The following WASHC2A variants were observed in gnomAD, a reference collection of about 807,000 sequenced individuals.
The protein encoded by WASHC2A is WASH complex subunit FAM21A.
WASHC2A carries 82 observed loss-of-function variants against 140.3 expected under a neutral mutation model. The observed-to-expected ratio is 0.58, with a 90% CI of 0.49 to 0.70. WASHC2A has a LOEUF of 0.70. Among genes scored for constraint, WASHC2A ranks in the 30% least tolerant of loss-of-function variants. WASHC2A has a pLI of 0.00. For missense variants in WASHC2A, 985 were observed against 1,521.8 expected (o/e 0.65, Z 5.87); for synonymous variants, 340 against 560.8 (o/e 0.61, Z 5.56).
Position 50,132,860 on chromosome 10 carries a change from C to T in WASHC2A, c.3941C>T (p.Ser1314Phe). ...AAGACAACCAAACCAAAAAGCCGAT[C>T]TGCACAGGCCGCACCTGAACCAAGA... ...QAKTTKPKSR[S>F]AQAAPEPRFE... Residue 1314 changes from serine (S) to phenylalanine (F), a missense_variant, in exon 31 of 31, where the codon TCT (serine) becomes TTT (phenylalanine). Physicochemically the swap from Ser to Phe is radical, Grantham distance 155. Transcript: ENST00000282633. The T allele has an allele frequency of 6.2e-7, 1 of 1,612,044 alleles. No homozygotes were observed.
intron 21 of WASHC2A, among the ~76,000 whole-genome samples, chr10:50,115,766 C>A (rs1187539600): frequency 4.4e-4 from 65 of 148,520 alleles, no homozygotes; most frequent in African/African-American, 1.5e-3. Flanking sequence ...CAAGATGCAG[C>A]CATTTTAGAC....
chr10:50,109,461 A>G (rs1246523719), intron 19 of WASHC2A, among the ~76,000 whole-genome samples: 1 of 152,038 alleles, frequency 6.6e-6, no homozygotes, highest in Non-Finnish European at 1.5e-5. Flanking sequence ...GTATTTTTAC[A>G]TTTGGCTTCC....
At chr10:50,103,254 G>A (rs567946084) in intron 17 of WASHC2A, among the ~76,000 whole-genome samples, 2 of 150,312 alleles carry the variant, frequency 1.3e-5, no homozygotes, top group East Asian at 1.9e-4. Context: ...AGTTTAATTT[G>A]TATTTACTTA....
At chr10:50,075,234 T>C (rs1483492483) in intron 3 of WASHC2A, among the ~76,000 whole-genome samples, 1 of 151,370 alleles carries the variant, frequency 6.6e-6, no homozygotes, top group African/African-American at 2.4e-5. Flanking sequence ...ATTTCATAAA[T>C]GTTTCATAAA....
intron 13 of WASHC2A, 135 bp from the exon 14 acceptor site, chr10:50,095,013 A>G: frequency 6.5e-7 from 1 of 1,533,466 alleles, no homozygotes; most frequent in Non-Finnish European, 8.8e-7. Flanking sequence ...GAATTTTAAA[A>G]TGACTTGTTC....
intron 16 of WASHC2A, among the ~76,000 whole-genome samples, chr10:50,099,430 C>T (rs1383884490): frequency 7.6e-4 from 115 of 150,542 alleles, no homozygotes; most frequent in African/African-American, 2.6e-3. Context: ...CCACCATGCC[C>T]GGCTAATTTT....
intron 3 of WASHC2A, among the ~76,000 whole-genome samples, chr10:50,072,288 T>C (rs1373314469): frequency 1.5e-3 from 228 of 147,644 alleles, no homozygotes; most frequent in East Asian, 1.8e-3. Flanking sequence ...CCTTCCAGTC[T>C]GCAGCCAGAA....
intron 3 of WASHC2A, among the ~76,000 whole-genome samples, chr10:50,076,160 A>G (rs543580632): frequency 3.3e-5 from 5 of 152,244 alleles, no homozygotes; most frequent in African/African-American, 7.2e-5. Flanking sequence ...TCCTGACCGC[A>G]GGTGATCCCA....
chr10:50,095,016 A>T, intron 13 of WASHC2A, 132 bp from the exon 14 acceptor site: 1 of 1,503,990 alleles, frequency 6.6e-7, no homozygotes. Context: ...TTTTAAAATG[A>T]CTTGTTCAGG....
At chr10:50,100,394 T>C (rs1554886384) in intron 17 of WASHC2A, among the ~76,000 whole-genome samples, 1 of 151,790 alleles carries the variant, frequency 6.6e-6, no homozygotes. Context: ...AGATAGGAGA[T>C]TCACTTGAAC....
intron 18 of WASHC2A, among the ~76,000 whole-genome samples, chr10:50,104,691 G>T (rs1841575704): frequency 6.6e-6 from 1 of 151,712 alleles, no homozygotes; most frequent in Non-Finnish European, 1.5e-5. Flanking sequence ...AAATCTACAG[G>T]TTTTATTTTT....
chr10:50,089,282 A>G lies in WASHC2A; in HGVS notation c.733-1494A>G, dbSNP rs1175548658. On this transcript the variant is annotated intron_variant, in intron 8 of 30. Coordinates refer to ENST00000282633, the MANE Select transcript of WASHC2A (RefSeq NM_001005751.3). ...GCCCGGCCACAAACAGTTTTTCAAA[A>G]ACAGTACAGTATAGTGAGTAAAAGC... Among the ~76,000 whole-genome samples the G allele has an allele frequency of 2.4e-4, 35 of 146,646 alleles. 1 individual carries two copies. Among genetic ancestry groups the G allele is most frequent in the Non-Finnish European group, 4.7e-4 (31 of 66,272 alleles).
intron 16 of WASHC2A, among the ~76,000 whole-genome samples, chr10:50,099,661 A>G (rs1317102745): frequency 7.3e-6 from 1 of 136,188 alleles, no homozygotes; most frequent in African/African-American, 2.9e-5. Context: ...CCTGCCGACC[A>G]CCTAAGGCCC....
chr10:50,131,536 C>T (rs1190059528), intron 30 of WASHC2A, among the ~76,000 whole-genome samples: 1 of 152,160 alleles, frequency 6.6e-6, no homozygotes, highest in Non-Finnish European at 1.5e-5. Flanking sequence ...TAGGCTCTAC[C>T]TCAGGCGTTG....
At chr10:50,090,556 ATT>A (rs1369102567) in intron 8 of WASHC2A, among the ~76,000 whole-genome samples, 1 of 140,588 alleles carries the variant, frequency 7.1e-6, no homozygotes, top group Non-Finnish European at 1.6e-5. Flanking sequence ...ATATATTTAT[ATT>A]TTATATATAT....
intron 23 of WASHC2A, among the ~76,000 whole-genome samples, chr10:50,124,843 T>C (rs1843289332): frequency 6.6e-6 from 1 of 151,070 alleles, no homozygotes; most frequent in African/African-American, 2.4e-5. Flanking sequence ...ATATATAACC[T>C]GGAAAGATTA....
chr10:50,072,399 A>G (rs1837926071), intron 3 of WASHC2A, among the ~76,000 whole-genome samples: 2 of 151,522 alleles, frequency 1.3e-5, no homozygotes, highest in Admixed American at 6.6e-5. Flanking sequence ...GTGGCAAAGC[A>G]TGATAATACT....
chr10:50,124,741 T>C (rs1453612481), intron 23 of WASHC2A, among the ~76,000 whole-genome samples: 3 of 151,262 alleles, frequency 2.0e-5, no homozygotes, highest in African/African-American at 7.3e-5. Context: ...CATTCAGTTT[T>C]ATGTTTTTTA....
intron 3 of WASHC2A, among the ~76,000 whole-genome samples, chr10:50,071,472 A>G (rs1176293751): frequency 6.6e-6 from 1 of 151,736 alleles, no homozygotes; most frequent in Admixed American, 6.6e-5. Flanking sequence ...CGCCTGGCTA[A>G]TTTTTTGTAT....
Sources: gnomAD v4.1 joint callset for allele counts (sites outside exome capture counted in the v4.1 genomes callset) on GRCh38, gnomAD v4.1.1 for gene constraint, MANE v1.5 for transcripts, NCBI Gene and HGNC (gene_info 2026-07-23, HGNC 2026-07-21) for gene names.